The following TOX variants were observed in gnomAD, a reference collection of about 807,000 sequenced individuals.
TOX encodes thymocyte selection associated high mobility group box.
Under a neutral mutation model 53.7 loss-of-function variants are expected in TOX, and 11 were observed. That is an observed-to-expected ratio of 0.20 (90% confidence interval 0.13 to 0.34). The LOEUF (loss-of-function observed/expected upper bound fraction) is 0.34. Among genes scored for constraint, TOX ranks in the 10% least tolerant of loss-of-function variants. The pLI is 1.00. For synonymous variants in TOX, 225 were observed against 245.3 expected (o/e 0.92, Z 0.77); for missense variants, 570 against 664.6 (o/e 0.86, Z 1.56).
intron 1 of TOX, among the ~76,000 whole-genome samples, chr8:59,103,538 T>C (rs1804844303): frequency 6.6e-6 from 1 of 152,198 alleles, no homozygotes; most frequent in African/African-American, 2.4e-5. Context: ...ATCCACATAT[T>C]GCTTAAAGAT....
chr8:59,036,304 T>C (rs1220295330), intron 1 of TOX, among the ~76,000 whole-genome samples: 1 of 152,232 alleles, frequency 6.6e-6, no homozygotes, highest in African/African-American at 2.4e-5. Flanking sequence ...TGATCCCCTT[T>C]GGAAACTATA....
intron 4 of TOX, among the ~76,000 whole-genome samples, chr8:58,849,480 A>G (rs1196252160): frequency 6.6e-6 from 1 of 152,208 alleles, no homozygotes; most frequent in East Asian, 1.9e-4. Flanking sequence ...GCAAAGTTTC[A>G]TATCAGCATG....
At chr8:59,044,769 T>C (rs1006944704) in intron 1 of TOX, among the ~76,000 whole-genome samples, 1 of 152,234 alleles carries the variant, frequency 6.6e-6, no homozygotes, top group Non-Finnish European at 1.5e-5. Flanking sequence ...TTGAACAATG[T>C]ATTTTAAGGA....
intron 2 of TOX, among the ~76,000 whole-genome samples, chr8:58,949,483 T>C (rs1412687040): frequency 6.6e-6 from 1 of 152,182 alleles, no homozygotes; most frequent in Non-Finnish European, 1.5e-5. Flanking sequence ...ATAGAATGCT[T>C]GCTCAAGAAG....
At chr8:58,978,646 C>T (rs1813149830) in intron 1 of TOX, among the ~76,000 whole-genome samples, 1 of 152,116 alleles carries the variant, frequency 6.6e-6, no homozygotes, top group African/African-American at 2.4e-5. Context: ...TACAGAGTTC[C>T]CATATATCTC....
intron 1 of TOX, among the ~76,000 whole-genome samples, chr8:58,985,566 T>A (rs1399050837): frequency 6.6e-6 from 1 of 152,148 alleles, no homozygotes. Context: ...GTACTGGAGA[T>A]TGGTTACACA....
intron 3 of TOX, among the ~76,000 whole-genome samples, chr8:58,928,192 C>T (rs952651013): frequency 5.3e-5 from 8 of 152,306 alleles, no homozygotes; most frequent in South Asian, 2.1e-4. Flanking sequence ...CTGATTTATG[C>T]GGGAGATGCT....
At chr8:58,906,376 T>G (rs1263435868) in intron 3 of TOX, among the ~76,000 whole-genome samples, 1 of 152,094 alleles carries the variant, frequency 6.6e-6, no homozygotes, top group Non-Finnish European at 1.5e-5. Context: ...TTTCTGCAAA[T>G]AGAAAAGGGA....
chr8:59,012,270 A>C (rs1206674500), intron 1 of TOX, among the ~76,000 whole-genome samples: 1 of 152,154 alleles, frequency 6.6e-6, no homozygotes, highest in Non-Finnish European at 1.5e-5. Flanking sequence ...CCACAGTCAG[A>C]TGATATGTTT....
intron 1 of TOX, among the ~76,000 whole-genome samples, chr8:59,092,316 T>C (rs1447848109): frequency 8.9e-6 from 1 of 112,716 alleles, no homozygotes; most frequent in Admixed American, 9.4e-5. Flanking sequence ...ATATTATATA[T>C]ACATATATAT....
In TOX at chr8:59,101,083, A is replaced by G. The variant is rs182199006; in HGVS notation, c.102+17803T>C. Among the ~76,000 whole-genome samples, 442 of 152,302 alleles carry G rather than the reference A, an allele frequency of 2.9e-3. 2 individuals carry two copies. The highest frequency in any genetic ancestry group is 9.1e-3 in the African/African-American group (380 of 41,570). ...CTCTCGGTCATCTCATCTAGACTAAAGGAAAGGAAAGGAAAAGCGCAGAGA... is the reference window on the plus strand; with the variant it reads ...CTCTCGGTCATCTCATCTAGACTAAGGGAAAGGAAAGGAAAAGCGCAGAGA... On this transcript the variant is annotated intron_variant, in intron 1 of 8. Coordinates refer to ENST00000361421, the MANE Select transcript of TOX (RefSeq NM_014729.3).
intron 3 of TOX, among the ~76,000 whole-genome samples, chr8:58,924,897 T>G (rs1812128735): frequency 6.6e-6 from 1 of 152,240 alleles, no homozygotes. Flanking sequence ...TTGGAATAGT[T>G]TCACATTTTT....
intron 3 of TOX, among the ~76,000 whole-genome samples, chr8:58,883,082 G>A (rs1433627814): frequency 1.3e-5 from 2 of 152,016 alleles, no homozygotes; most frequent in Non-Finnish European, 2.9e-5. Flanking sequence ...AGTGATATGT[G>A]TCCTAATCAC....
At chr8:58,890,991 T>TA (rs1437129539) in intron 3 of TOX, among the ~76,000 whole-genome samples, 1 of 152,112 alleles carries the variant, frequency 6.6e-6, no homozygotes, top group Non-Finnish European at 1.5e-5. Flanking sequence ...GTTCATTACT[T>TA]AAGCACACTG....
intron 2 of TOX, among the ~76,000 whole-genome samples, chr8:58,955,565 T>C (rs1277021531): frequency 6.6e-6 from 1 of 152,132 alleles, no homozygotes; most frequent in African/African-American, 2.4e-5. Flanking sequence ...ATCTTCTCAT[T>C]CTTCCTTAAT....
intron 1 of TOX, among the ~76,000 whole-genome samples, chr8:59,098,867 CTTTGCTACTTTAATATGCTCCAG>C (rs1256595184): frequency 1.3e-5 from 2 of 152,036 alleles, no homozygotes; most frequent in Non-Finnish European, 2.9e-5. Context: ...ATGCTTTATC[CTTTGCTACTTTAATATGCTCCAG>C]TTGCCCTTTA....
chr8:58,933,568 G>T (rs1231675358), intron 3 of TOX, among the ~76,000 whole-genome samples: 1 of 151,430 alleles, frequency 6.6e-6, no homozygotes, highest in Admixed American at 6.6e-5. Context: ...AACTTTGAAG[G>T]GGGGTGGGGG....
At chr8:59,031,588 C>A (rs973078079) in intron 1 of TOX, among the ~76,000 whole-genome samples, 1 of 152,174 alleles carries the variant, frequency 6.6e-6, no homozygotes, top group African/African-American at 2.4e-5. Flanking sequence ...AACTTCCAAG[C>A]ACACAGATCT....
rs547631095 is a variant in TOX at position 59,042,989 on chromosome 8, A to C, written c.102+75897T>G. ...TCAACAATTGAGAAATACACAGTAC[A>C]TTATTATTAATATAGTCACCATGTT... On this transcript the variant is annotated intron_variant, in intron 1 of 8. Transcript: ENST00000361421. Among the ~76,000 whole-genome samples, 3 of 152,302 alleles carry C rather than the reference A, an allele frequency of 2.0e-5. No individual in the cohort carries two copies. The South Asian group carries it at 6.2e-4, about 32-fold the overall frequency.
Sources: allele counts gnomAD v4.1 joint callset (sites outside exome capture counted in the v4.1 genomes callset), GRCh38; gene constraint gnomAD v4.1.1; transcripts MANE v1.5; gene names NCBI Gene and HGNC (gene_info 2026-07-23, HGNC 2026-07-21).